The following SCUBE2 variants were observed in gnomAD, a reference collection of about 807,000 sequenced individuals.
SCUBE2 encodes the protein signal peptide, CUB and EGF-like domain-containing protein 2.
Under a neutral mutation model 125.9 loss-of-function variants are expected in SCUBE2, and 114 were observed. The ratio of observed to expected loss-of-function variants is 0.91; its 90% CI spans 0.78 to 1.06. SCUBE2 has a LOEUF of 1.06. Among genes scored for constraint, SCUBE2 ranks in the 50% least tolerant of loss-of-function variants. SCUBE2 has a pLI of 0.00. For synonymous variants in SCUBE2, 459 were observed against 492.9 expected (o/e 0.93, Z 0.91); for missense variants, 1,255 against 1,301.8 (o/e 0.96, Z 0.55).
At position 9,046,001 on chromosome 11, in the gene SCUBE2, CTT is replaced by C. The variant is rs58572754; in HGVS notation, c.2002+1353_2002+1354del. 6.1e-3 allele frequency among the ~76,000 whole-genome samples: 557 copies of C among 92,036 alleles called. 1 individual carries two copies. Among genetic ancestry groups the C allele is most frequent in the African/African-American group, 0.018 (469 of 26,388 alleles). The allele number at this position is 92,036 out of a possible 152,430, so 60.4% of individuals were successfully genotyped here. ...AACCCTCTACTGAGTGTCTTTCTTT[CTT>C]TTTTTTTTTTTTTTTTTTTTTGAGA... On this transcript the variant is annotated intron_variant, in intron 16 of 22. Transcript: ENST00000649792.
At chr11:9,072,068 A>C (rs2135794425) in intron 4 of SCUBE2, among the ~76,000 whole-genome samples, 1 of 152,338 alleles carries the variant, frequency 6.6e-6, no homozygotes, top group Non-Finnish European at 1.5e-5. Context: ...AGAGTCAATG[A>C]TTATGATGCC....
chr11:9,081,764 T>C (rs1310764471), intron 2 of SCUBE2, among the ~76,000 whole-genome samples: 1 of 152,252 alleles, frequency 6.6e-6, no homozygotes, highest in Admixed American at 6.5e-5. Flanking sequence ...CTTCCACCTT[T>C]TGGCTACTGT....
At chr11:9,024,136 C>G (rs1855533637) in intron 21 of SCUBE2, 1 of 910,994 alleles carries the variant, frequency 1.1e-6, no homozygotes, top group Non-Finnish European at 1.4e-6. Context: ...GCGTAATTTT[C>G]CCCAGTTGGA....
At chr11:9,052,638 GA>G in intron 13 of SCUBE2, 107 bp downstream of exon 13, 1 of 796,512 alleles carries the variant, frequency 1.3e-6, no homozygotes, top group Non-Finnish European at 2.0e-6. Flanking sequence ...CAGCATCAAG[GA>G]AATTAACAGA....
Position 9,089,826 on chromosome 11 carries a change from A to G in SCUBE2, c.137T>C (p.Val46Ala), listed in dbSNP as rs1302113858. The G allele has an allele frequency of 1.2e-6, 2 of 1,613,614 alleles. No individual in the cohort carries two copies. The highest frequency in any genetic ancestry group is 3.3e-5 in the Admixed American group (2 of 59,980). Residue 46 changes from valine to alanine, a missense_variant, in exon 2 of 23, where the codon GTA becomes GCA. Val to Ala is a moderately conservative substitution (Grantham distance 64). This residue lies in a region of SCUBE2 where 362 missense variants were observed against 323.0 expected (regional missense o/e 1.12). Coordinates refer to ENST00000649792, the MANE Select transcript of SCUBE2 (RefSeq NM_001367977.2). ...RGRAAGPQEDVDECAQGLDDC... is the reference protein window; with the variant it reads ...RGRAAGPQEDADECAQGLDDC... ...ATCTAGCCCTTGGGCACACTCATCT[A>G]CATCTGCAAAAGAGCACAGCTGACA...
intron 13 of SCUBE2, among the ~76,000 whole-genome samples, chr11:9,051,071 G>A (rs913391518): frequency 6.6e-6 from 1 of 152,192 alleles, no homozygotes; most frequent in Non-Finnish European, 1.5e-5. Context: ...GCTGAGGCAG[G>A]AGAATTGCTT....
chr11:9,050,363 C>T, intron 14 of SCUBE2: 2 of 442,322 alleles, frequency 4.5e-6, no homozygotes, highest in Non-Finnish European at 8.1e-6. Flanking sequence ...TCCCCAGAGC[C>T]TCACCAACTA....
At chr11:9,021,315 C>G (rs548973145) in intron 22 of SCUBE2, 118 bp from the exon 23 acceptor site, 21 of 755,912 alleles carry the variant, frequency 2.8e-5, no homozygotes, top group Non-Finnish European at 1.9e-6. Flanking sequence ...AAAACACTTG[C>G]AAAAATTGTT....
chr11:9,053,786 T>A, intron 10 of SCUBE2, 27 bp from the exon 11 acceptor site: 5 of 1,603,348 alleles, frequency 3.1e-6, no homozygotes, highest in Non-Finnish European at 4.3e-6. Flanking sequence ...TCTCCTGTCA[T>A]AGCAGCCTGT....
At chr11:9,062,804 A>C (rs991712502) in intron 7 of SCUBE2, among the ~76,000 whole-genome samples, 1 of 152,048 alleles carries the variant, frequency 6.6e-6, no homozygotes, top group South Asian at 2.1e-4. Context: ...GTAGAACAAA[A>C]ATACAAAGGA....
intron 20 of SCUBE2, chr11:9,026,160 C>T (rs1321937618): frequency 1.3e-5 from 3 of 225,798 alleles, no homozygotes; most frequent in Non-Finnish European, 2.6e-5. Flanking sequence ...CTGCTGTCAT[C>T]TAATTGTCAT....
chr11:9,090,412 C>G (rs1459937868), intron 1 of SCUBE2: 2 of 153,302 alleles, frequency 1.3e-5, no homozygotes, highest in African/African-American at 4.8e-5. Context: ...CAGCCCAGGA[C>G]AGTTTTGAAT....
At chr11:9,030,070 G>C (rs759652060) in intron 18 of SCUBE2, 25 bp from the exon 19 acceptor site, 1 of 1,591,320 alleles carries the variant, frequency 6.3e-7, no homozygotes, top group South Asian at 1.1e-5. Flanking sequence ...AGGGTGAAAA[G>C]AATGAAAAAA....
intron 20 of SCUBE2, 22 bp from the exon 21 acceptor site, chr11:9,025,876 G>C (rs750353661): frequency 6.2e-7 from 1 of 1,611,132 alleles, no homozygotes; most frequent in Non-Finnish European, 8.5e-7. Context: ...AGTTGGAGAA[G>C]GGTGGGGTTC....
rs1855151055 is a variant in SCUBE2, at chr11:9,019,597, A to T, written c.*1448T>A. On this transcript the variant is annotated 3_prime_UTR_variant, in exon 23 of 23. Coordinates refer to ENST00000649792, the MANE Select transcript of SCUBE2 (RefSeq NM_001367977.2). ...GGGCCCATCCAAATAAAGAAGTTTG[A>T]TTAGGACTTTTTAAGAATCAATGTT... 6.6e-6 allele frequency among the ~76,000 whole-genome samples: 1 copy of T among 152,098 alleles called. No homozygotes were observed. Among genetic ancestry groups the T allele is most frequent in the Non-Finnish European group, 1.5e-5 (1 of 68,030 alleles).
intron 19 of SCUBE2, among the ~76,000 whole-genome samples, chr11:9,028,886 T>G (rs1222772833): frequency 6.6e-6 from 1 of 152,166 alleles, no homozygotes; most frequent in Non-Finnish European, 1.5e-5. Context: ...TAGGATATCA[T>G]GAGGTAGCAA....
At chr11:9,025,499 T>C (rs1026426828) in intron 21 of SCUBE2, 2 of 540,902 alleles carry the variant, frequency 3.7e-6, no homozygotes, top group Non-Finnish European at 6.5e-6. Flanking sequence ...TTTTAATATA[T>C]TTTATAAAAC....
chr11:9,069,554 G>C, intron 4 of SCUBE2, 59 bp from the exon 5 acceptor site: 1 of 1,608,060 alleles, frequency 6.2e-7, no homozygotes, highest in South Asian at 1.1e-5. Context: ...TGAGCCCTGG[G>C]AGAGCGGCAA....
At chr11:9,073,448 T>C (rs1262042605) in intron 4 of SCUBE2, among the ~76,000 whole-genome samples, 1 of 152,188 alleles carries the variant, frequency 6.6e-6, no homozygotes, top group Admixed American at 6.5e-5. Context: ...ACAGGTATTC[T>C]AGTTAAGTAT....
Sources: gnomAD v4.1 joint callset for allele counts (sites outside exome capture counted in the v4.1 genomes callset) on GRCh38, gnomAD v4.1.1 for gene constraint, gnomAD v4.1.1 regional missense constraint, MANE v1.5 for transcripts, NCBI Gene and HGNC (gene_info 2026-07-23, HGNC 2026-07-21) for gene names.